Variants in CLCN6 observed in about 807,000 individuals in gnomAD.
The protein encoded by CLCN6 is Cl-/H+ antiporter 6, also known as H(+)/Cl(-) exchange transporter 6.
A neutral mutation model predicts 109.8 loss-of-function variants in CLCN6; 70 were observed. The ratio of observed to expected loss-of-function variants is 0.64; its 90% confidence interval spans 0.53 to 0.78. The LOEUF is 0.78. Among genes scored for constraint, CLCN6 ranks in the 30% least tolerant of loss-of-function variants. The pLI is 0.00. For missense variants in CLCN6, 984 were observed against 1,142.3 expected, an observed-to-expected ratio of 0.86 and a Z score of 2.00; for synonymous variants, 444 against 447.8, an observed-to-expected ratio of 0.99 and a Z score of 0.11.
chr1:11,806,339 C>G lies in CLCN6; in HGVS notation c.77C>G (p.Pro26Arg), dbSNP rs761207554. 2.0e-6 allele frequency: 3 copies of G among 1,516,850 alleles called. No individual in the cohort carries two copies. Among genetic ancestry groups the G allele is most frequent in the Non-Finnish European group, 2.6e-6 (3 of 1,143,832 alleles). The allele number at this position is 1,516,850 out of a possible 1,614,324, so 94.0% of individuals were successfully genotyped here. ...TGCGGTGAGCGTGAGACCCGCACCCCCGAGGAGCTGGTAAGAAGCCGGCGG... is the reference window on the plus strand; with the variant it reads ...TGCGGTGAGCGTGAGACCCGCACCCGCGAGGAGCTGGTAAGAAGCCGGCGG... Reference protein sequence around the residue: ...CCCGERETRTPEELTILGETQ... With the variant: ...CCCGERETRTREELTILGETQ... The change falls in exon 1 of 23, where the codon CCC (proline) becomes CGC (arginine). Residue 26 changes from proline (P) to arginine (R), a missense_variant. Transcript: ENST00000346436.
intron 7 of CLCN6, 75 bp from the exon 8 acceptor site, chr1:11,824,411 T>G: frequency 8.0e-7 from 1 of 1,242,906 alleles, no homozygotes; most frequent in Non-Finnish European, 1.2e-6. Flanking sequence ...CGAGGAAGGT[T>G]TTTGTAGCCA....
chr1:11,814,814 C>T lies in CLCN6; in HGVS notation c.148-1032C>T, dbSNP rs528273424. Among the ~76,000 whole-genome samples, 7 of 152,028 alleles carry T rather than the reference C, an allele frequency of 4.6e-5. No individual in the cohort carries two copies. In the East Asian group the frequency reaches 9.8e-4, roughly 21 times the overall value. On this transcript the variant is annotated intron_variant, in intron 2 of 22. Coordinates refer to ENST00000346436, the MANE Select transcript of CLCN6 (RefSeq NM_001286.5). ...TTGGGAGGCTGAGGAGGGCGGATCACGAGGTCAGGAGATCGAGACCATCCT... is the reference window on the plus strand; with the variant it reads ...TTGGGAGGCTGAGGAGGGCGGATCATGAGGTCAGGAGATCGAGACCATCCT...
chr1:11,814,526 G>A (rs924554922), intron 2 of CLCN6, among the ~76,000 whole-genome samples: 1 of 152,082 alleles, frequency 6.6e-6, no homozygotes, highest in African/African-American at 2.4e-5. Context: ...GGGATTACAG[G>A]TGTGAGCCAC....
chr1:11,840,099 CG>C (rs1481718006), intron 22 of CLCN6, 43 bp from the exon 23 acceptor site: 2 of 1,529,922 alleles, frequency 1.3e-6, no homozygotes, highest in Admixed American at 1.7e-5. Flanking sequence ...TTCTCGCCAG[CG>C]GGTTTTACCC....
intron 2 of CLCN6, among the ~76,000 whole-genome samples, chr1:11,815,622 T>G (rs1238733115): frequency 3.9e-5 from 6 of 152,214 alleles, no homozygotes; most frequent in Non-Finnish European, 5.9e-5. Flanking sequence ...CTTGAACTCC[T>G]GACCTCAGGT....
chr1:11,828,630 T>C lies in CLCN6; in HGVS notation c.1121+6T>C, dbSNP rs1325484767. 6.3e-7 allele frequency: 1 copy of C among 1,593,684 alleles called. No individual in the cohort carries two copies. Among genetic ancestry groups the C allele is most frequent in the African/African-American group, 1.3e-5 (1 of 74,416 alleles). ...CCGAAACCTAAGCTCGTCAGGTATCTGCACAGTCGCCTCCCCCCCGAGCCT... is the reference window on the plus strand; with the variant it reads ...CCGAAACCTAAGCTCGTCAGGTATCCGCACAGTCGCCTCCCCCCCGAGCCT... On this transcript the variant is annotated splice_donor_region_variant and intron_variant, in intron 12 of 22. Transcript: ENST00000346436.
intron 7 of CLCN6, 111 bp from the exon 8 acceptor site, chr1:11,824,375 T>G: frequency 1.3e-6 from 1 of 766,444 alleles, no homozygotes; most frequent in Non-Finnish European, 2.1e-6. Flanking sequence ...TTATAAAGTC[T>G]TAGGATCATC....
chr1:11,832,847 A>T (rs1454493606), intron 13 of CLCN6, among the ~76,000 whole-genome samples: 1 of 152,226 alleles, frequency 6.6e-6, no homozygotes, highest in East Asian at 1.9e-4. Flanking sequence ...CCCACACAGA[A>T]TGATGGCAAG....
chr1:11,839,131 A>G (rs1557436877), intron 22 of CLCN6: 2 of 584,064 alleles, frequency 3.4e-6, no homozygotes, highest in African/African-American at 3.7e-5. Flanking sequence ...TTACACAAAT[A>G]TGATTTCATT....
chr1:11,811,355 A>G (rs981513785), intron 2 of CLCN6, among the ~76,000 whole-genome samples: 1 of 151,804 alleles, frequency 6.6e-6, no homozygotes, highest in Non-Finnish European at 1.5e-5. Flanking sequence ...TAGTATATTC[A>G]CAGAGTTGTA....
At chr1:11,826,756 G>A (rs2076004) in intron 9 of CLCN6, among the ~76,000 whole-genome samples, 14,959 of 152,176 alleles carry the variant, frequency 0.098, 787 homozygotes, top group South Asian at 0.16. Context: ...AGGAAGATCC[G>A]GTGGGAACAT....
At position 11,841,552 on chromosome 1, in the gene CLCN6, C is replaced by T. The variant is rs1645023985; in HGVS notation, c.*1329C>T. 6.6e-6 allele frequency: 1 copy of T among 152,276 alleles called. No homozygotes were observed. The highest frequency in any genetic ancestry group is 2.1e-4 in the South Asian group (1 of 4,836). 9.4% of individuals were successfully genotyped at this position (152,276 alleles called of 1,614,324 possible). A position where few individuals can be genotyped will look rare whatever the true frequency, so the allele number is the denominator to read the frequency against. On this transcript the variant is annotated 3_prime_UTR_variant, in exon 23 of 23. Transcript: ENST00000346436. ...CATGGTATTAGTCCCAGCAGGCATCCCTGGGGCAGACGTGCTTTGGCTCAA... is the reference window on the plus strand; with the variant it reads ...CATGGTATTAGTCCCAGCAGGCATCTCTGGGGCAGACGTGCTTTGGCTCAA...
intron 22 of CLCN6, chr1:11,838,983 G>A (rs1212231508): frequency 1.2e-5 from 8 of 682,038 alleles, no homozygotes; most frequent in Non-Finnish European, 1.7e-5. Context: ...AGGGATTTGC[G>A]CATTAGATGA....
intron 9 of CLCN6, among the ~76,000 whole-genome samples, chr1:11,826,449 T>C (rs952723766): frequency 1.3e-5 from 2 of 152,228 alleles, no homozygotes; most frequent in African/African-American, 2.4e-5. Context: ...CAAATGAAGA[T>C]GGTCCCAGAT....
chr1:11,827,316 T>TG (rs55749208), intron 10 of CLCN6, 95 bp downstream of exon 10: 861,122 of 1,217,424 alleles, frequency 0.71, 313,466 homozygotes, highest in African/African-American at 0.94. Flanking sequence ...TTGATGAGAC[T>TG]GGGGGGTCAA....
intron 5 of CLCN6, among the ~76,000 whole-genome samples, chr1:11,821,523 TCCA>T (rs888354133): frequency 6.6e-6 from 1 of 152,168 alleles, no homozygotes; most frequent in Non-Finnish European, 1.5e-5. Flanking sequence ...AACACTGTAC[TCCA>T]GCCTGGGTGA....
chr1:11,833,836 G>A, intron 14 of CLCN6, 41 bp from the exon 15 acceptor site: 1 of 1,588,470 alleles, frequency 6.3e-7, no homozygotes, highest in Non-Finnish European at 8.6e-7. Context: ...GGCCTTGGCA[G>A]GCATCCGGTA....
rs1644724443 is a variant in CLCN6 at position 11,820,271 on chromosome 1, T to C, written c.346+717T>C. 11 of 666,910 alleles carry C rather than the reference T, an allele frequency of 1.6e-5. No individual in the cohort carries two copies. In the South Asian group the frequency reaches 1.8e-4, roughly 11 times the overall value. The allele number at this position is 666,910 out of a possible 1,614,324, so 41.3% of individuals were successfully genotyped here. ...GCACCATGACTGTGCCTGGGCAGCATAGCAAGACCCTGTCTTAAAAAAAAT... is the reference window on the plus strand; with the variant it reads ...GCACCATGACTGTGCCTGGGCAGCACAGCAAGACCCTGTCTTAAAAAAAAT... On this transcript the variant is annotated intron_variant, in intron 5 of 22. Transcript: ENST00000346436.
intron 18 of CLCN6, among the ~76,000 whole-genome samples, 157 bp from the exon 19 acceptor site, chr1:11,836,842 A>C (rs1356539535): frequency 6.6e-6 from 1 of 152,212 alleles, no homozygotes; most frequent in East Asian, 1.9e-4. Context: ...GCTCATTTGA[A>C]CCACCAGCCT....
Sources: allele counts gnomAD v4.1 joint callset (sites outside exome capture counted in the v4.1 genomes callset), GRCh38; gene constraint gnomAD v4.1.1; transcripts MANE v1.5; gene names NCBI Gene and HGNC (gene_info 2026-07-23, HGNC 2026-07-21).